Variants in RPGRIP1 observed in about 807,000 individuals in gnomAD.
The protein encoded by RPGRIP1 is X-linked retinitis pigmentosa GTPase regulator-interacting protein 1.
Under a neutral mutation model 157.9 loss-of-function variants are expected in RPGRIP1, and 128 were observed. The ratio of observed to expected loss-of-function variants is 0.81; its 90% CI spans 0.70 to 0.94. The LOEUF is 0.94. Ranked by LOEUF, RPGRIP1 falls within the 40% of genes least tolerant of loss-of-function variation. The pLI, the probability that RPGRIP1 is intolerant of heterozygous loss-of-function variation, is 0.00. For missense variants in RPGRIP1, 1,486 were observed against 1,545.8 expected, an observed-to-expected ratio of 0.96 and a Z score of 0.65; for synonymous variants, 554 against 571.6, an observed-to-expected ratio of 0.97 and a Z score of 0.44.
intron 10 of RPGRIP1, among the ~76,000 whole-genome samples, chr14:21,312,829 C>T (rs1206241013): frequency 6.6e-6 from 1 of 151,412 alleles, no homozygotes; most frequent in Admixed American, 6.6e-5. Flanking sequence ...TTTTTTTAAC[C>T]AGCAATTCCT....
chr14:21,345,651 C>G (rs1049357285), intron 23 of RPGRIP1, among the ~76,000 whole-genome samples: 8 of 152,112 alleles, frequency 5.3e-5, no homozygotes, highest in Admixed American at 1.3e-4. Flanking sequence ...GCGATCTGCC[C>G]TCCTCGGCCT....
chr14:21,317,772 GTC>G lies in RPGRIP1; in HGVS notation c.1233_1234del (p.Gln412AlafsTer8), dbSNP rs769954580. 1 of 1,599,154 alleles carries G rather than the reference GTC, an allele frequency of 6.3e-7. No individual in the cohort carries two copies. The highest frequency in any genetic ancestry group is 8.5e-7 in the Non-Finnish European group (1 of 1,172,892). ...CATAGCGGAACAGCTACAGCAGCAA[GTC>G]TCTCAGCTGCAGGATCAGCTGGATG... Reference protein sequence around the residue: ...ELIAEQLQQQVSQLQDQLDAE... With the variant: ...ELIAEQLQQQXSQLQDQLDAE... On this transcript the variant is annotated frameshift_variant, in exon 11 of 25. Transcript: ENST00000400017. LOFTEE classifies it high-confidence loss of function.
chr14:21,327,868 G>A, intron 18 of RPGRIP1, 61 bp downstream of exon 18: 1 of 1,333,308 alleles, frequency 7.5e-7, no homozygotes, highest in Non-Finnish European at 1.0e-6. Flanking sequence ...CAGATTTGAA[G>A]GAGACAGTAT....
At chr14:21,312,543 A>G (rs754383323) in intron 10 of RPGRIP1, 37 bp downstream of exon 10, 3 of 1,353,444 alleles carry the variant, frequency 2.2e-6, no homozygotes, top group South Asian at 1.2e-5. Flanking sequence ...CAGTGTTACT[A>G]TGAAAGACAT....
chr14:21,324,992 A>C lies in RPGRIP1; in HGVS notation c.2137A>C (p.Thr713Pro). 6.2e-7 allele frequency: 1 copy of C among 1,613,874 alleles called. No homozygotes were observed. ...CCAGGCCATGGCCAGTGAACACAGCACTCTTGCTGCAGGATGGATTTGCTT... is the reference window on the plus strand; with the variant it reads ...CCAGGCCATGGCCAGTGAACACAGCCCTCTTGCTGCAGGATGGATTTGCTT... ...IHQAMASEHS[T>P]LAAGWICFDR... Residue 713 changes from threonine to proline, a missense_variant, in exon 15 of 25, where the codon ACT becomes CCT. Physicochemically the swap from Thr to Pro is conservative, Grantham distance 38. Coordinates refer to ENST00000400017, the MANE Select transcript of RPGRIP1 (RefSeq NM_020366.4).
At chr14:21,347,147 G>T (rs909967829) in intron 23 of RPGRIP1, among the ~76,000 whole-genome samples, 72 of 152,012 alleles carry the variant, frequency 4.7e-4, no homozygotes, top group African/African-American at 1.6e-3. Context: ...TTTTAGATTC[G>T]ATTGGTATTA....
intron 1 of RPGRIP1, among the ~76,000 whole-genome samples, chr14:21,282,457 C>T (rs1045602194): frequency 6.6e-6 from 1 of 151,838 alleles, no homozygotes; most frequent in African/African-American, 2.4e-5. Context: ...AGGATGGTCT[C>T]GATCTCCTGA....
chr14:21,344,716 C>T (rs948061189), intron 22 of RPGRIP1, among the ~76,000 whole-genome samples: 2 of 152,228 alleles, frequency 1.3e-5, no homozygotes, highest in African/African-American at 2.4e-5. Context: ...GAAGCCAAGG[C>T]GGGCAGATTA....
Position 21,325,032 on chromosome 14 carries a change from A to G in RPGRIP1, c.2177A>G (p.Glu726Gly), listed in dbSNP as rs749698461. The G allele has an allele frequency of 1.9e-6, 3 of 1,613,066 alleles. No homozygotes were observed. The highest frequency in any genetic ancestry group is 2.5e-6 in the Non-Finnish European group (3 of 1,179,084). ...TGGATTTGCTTTGACAGGGTGCTAG[A>G]GACTGTGGAGAAAGTCCATGGCTTG... ...AGWICFDRVLETVEKVHGLAT... is the reference protein window; with the variant it reads ...AGWICFDRVLGTVEKVHGLAT... Residue 726 changes from glutamate to glycine, a missense_variant, in exon 15 of 25, where the codon GAG becomes GGG. Physicochemically the swap from Glu to Gly is moderately conservative, Grantham distance 98. Coordinates refer to ENST00000400017, the MANE Select transcript of RPGRIP1 (RefSeq NM_020366.4).
rs548095073 is a variant in RPGRIP1, at chr14:21,296,125, G to A, written c.218+1316G>A. The stretch of plus-strand genomic sequence containing the variant: ...TAATTTTTTTTTTTTTTTTGGAGAC[G>A]GAGTCTCCATCTGTCGCCCAGGCTG... On this transcript the variant is annotated intron_variant, in intron 3 of 24. Coordinates refer to ENST00000400017, the MANE Select transcript of RPGRIP1 (RefSeq NM_020366.4). Among the ~76,000 whole-genome samples, 10 of 145,750 alleles carry A rather than the reference G, an allele frequency of 6.9e-5. 1 individual carries two copies. Among genetic ancestry groups the A allele is most frequent in the African/African-American group, 1.8e-4 (7 of 39,226 alleles).
intron 6 of RPGRIP1, among the ~76,000 whole-genome samples, chr14:21,304,427 GA>G (rs1881206256): frequency 1.3e-5 from 2 of 150,552 alleles, no homozygotes; most frequent in African/African-American, 4.9e-5. Context: ...AAGAAAGAAA[GA>G]AAGAAAGAAA....
intron 10 of RPGRIP1, among the ~76,000 whole-genome samples, chr14:21,313,140 A>G (rs1457691038): frequency 1.4e-5 from 2 of 145,438 alleles, no homozygotes; most frequent in African/African-American, 2.5e-5. Context: ...CTGGCCCCCA[A>G]ATTTTTTGGG....
chr14:21,299,514 G>A (rs777265563), intron 3 of RPGRIP1, among the ~76,000 whole-genome samples: 19 of 152,088 alleles, frequency 1.2e-4, no homozygotes, highest in Non-Finnish European at 2.6e-4. Context: ...TGGGTATAAT[G>A]ATATGTAATA....
chr14:21,321,404 T>C lies in RPGRIP1; in HGVS notation c.1611+2T>C. The stretch of plus-strand genomic sequence containing the variant: ...CGCAAAATCAACGTGTGTTATCAGG[T>C]GCAAGGAAAGATGGTACAGGAAGGG... On this transcript the variant is annotated splice_donor_variant, in intron 13 of 24. Coordinates refer to ENST00000400017, the MANE Select transcript of RPGRIP1 (RefSeq NM_020366.4). LOFTEE classifies it high-confidence loss of function. 1 of 1,608,432 alleles carries C rather than the reference T, an allele frequency of 6.2e-7. No individual in the cohort carries two copies. The highest frequency in any genetic ancestry group is 8.5e-7 in the Non-Finnish European group (1 of 1,177,712).
chr14:21,349,560 G>A (rs1264710495), intron 24 of RPGRIP1, among the ~76,000 whole-genome samples: 2 of 151,448 alleles, frequency 1.3e-5, no homozygotes, highest in Non-Finnish European at 2.9e-5. Flanking sequence ...GAACCACCAC[G>A]CCCAGCTAAT....
At chr14:21,330,460 C>T (rs1883629536) in intron 20 of RPGRIP1, 73 bp downstream of exon 20, 1 of 1,081,130 alleles carries the variant, frequency 9.2e-7, no homozygotes, top group African/African-American at 1.7e-5. Context: ...CGAGATCAGG[C>T]TTTCAAGAGC....
intron 13 of RPGRIP1, 200 bp from the exon 14 acceptor site, chr14:21,321,654 G>A: frequency 4.2e-6 from 4 of 956,850 alleles, no homozygotes; most frequent in Non-Finnish European, 6.0e-6. Flanking sequence ...TTCAAATTTT[G>A]CCAGTCCTAG....
At chr14:21,325,123 A>G in intron 15 of RPGRIP1, 53 bp downstream of exon 15, 1 of 1,554,948 alleles carries the variant, frequency 6.4e-7, no homozygotes, top group Non-Finnish European at 8.7e-7. Context: ...GAATTTCCCA[A>G]AGCCTACAGT....
rs756235422 is a variant in RPGRIP1 at position 21,307,778 on chromosome 14, T to C, written c.848T>C (p.Leu283Ser). ...KVELIRLKKL[L>S]HERNASLVMT... ...GAGCTGATTCGACTTAAGAAGCTCT[T>C]ACATGAAAGAAATGCTTCATTGGTT... The change falls in exon 7 of 25, where the codon TTA (leucine) becomes TCA (serine). Residue 283 changes from leucine (L) to serine (S), a missense_variant. Leu to Ser is a moderately radical substitution (Grantham distance 145). Transcript: ENST00000400017. 8 of 1,570,154 alleles carry C rather than the reference T, an allele frequency of 5.1e-6. No homozygotes were observed. In the South Asian group the frequency reaches 8.3e-5, roughly 16 times the overall value.
Sources: allele counts gnomAD v4.1 joint callset (sites outside exome capture counted in the v4.1 genomes callset), GRCh38; gene constraint gnomAD v4.1.1; transcripts MANE v1.5; gene names NCBI Gene and HGNC (gene_info 2026-07-23, HGNC 2026-07-21).